Variants in LDLRAD4 observed in about 807,000 individuals in gnomAD.
The protein encoded by LDLRAD4 is low density lipoprotein receptor class A domain containing 4, also known as low-density lipoprotein receptor class A domain-containing protein 4.
A neutral mutation model predicts 17.0 loss-of-function variants in LDLRAD4; 5 were observed. The ratio of observed to expected loss-of-function variants is 0.29; its 90% CI spans 0.15 to 0.62. The LOEUF (loss-of-function observed/expected upper bound fraction) is 0.62. Ranked by LOEUF, LDLRAD4 falls within the 20% of genes least tolerant of loss-of-function variation. LDLRAD4 has a pLI of 0.84. For missense variants in LDLRAD4, 340 were observed against 424.7 expected, an observed-to-expected ratio of 0.80 and a Z score of 1.75; for synonymous variants, 168 against 171.8, an observed-to-expected ratio of 0.98 and a Z score of 0.17.
At chr18:13,578,296 C>G (rs2094803514) in intron 3 of LDLRAD4, among the ~76,000 whole-genome samples, 1 of 152,170 alleles carries the variant, frequency 6.6e-6, no homozygotes, top group South Asian at 2.1e-4. Flanking sequence ...CACCTTACTA[C>G]TTTATTTTCT....
intron 3 of LDLRAD4, among the ~76,000 whole-genome samples, chr18:13,578,311 T>C (rs1397573640): frequency 6.6e-6 from 1 of 152,182 alleles, no homozygotes; most frequent in East Asian, 1.9e-4. Flanking sequence ...TTTTCTAATT[T>C]TAACTGTTAT....
At chr18:13,226,180 C>CTTTTTGTTTTTTTTTTTTTT (rs2041782840) in intron 1 of LDLRAD4, among the ~76,000 whole-genome samples, 2 of 52,188 alleles carry the variant, frequency 3.8e-5, no homozygotes, top group South Asian at 1.2e-3. Context: ...CCATGCCTTG[C>CTTTTTGTTTTTTTTTTTTTT]TTTTTTTTTT....
At chr18:13,481,432 G>T (rs1264242493) in intron 3 of LDLRAD4, among the ~76,000 whole-genome samples, 1 of 152,186 alleles carries the variant, frequency 6.6e-6, no homozygotes, top group Non-Finnish European at 1.5e-5. Context: ...GCTGACTGTG[G>T]CTTGACGCTG....
rs914403002 is a variant in LDLRAD4, at chr18:13,367,779, C to T, written c.-382-19562C>T. 2.9e-5 allele frequency among the ~76,000 whole-genome samples: 4 copies of T among 138,064 alleles called. No individual in the cohort carries two copies. Among genetic ancestry groups the T allele is most frequent in the Admixed American group, 7.3e-5 (1 of 13,620 alleles). The allele number at this position is 138,064 out of a possible 152,430, so 90.6% of individuals were successfully genotyped here. ...CAAGGTGTTTGCTGAGAGGGGACAG[C>T]GGGGCCTGGGGGCACGTGCTTTCAG... On this transcript the variant is annotated intron_variant, in intron 1 of 5. Transcript: ENST00000359446. This position sits in a 1 kb window ranked among gnomAD's most constrained non-coding sequence, Gnocchi z 4.1.
In LDLRAD4 at chr18:13,618,561, A is replaced by C. The variant is rs1177955997; in HGVS notation, c.182-2556A>C. On this transcript the variant is annotated intron_variant, in intron 3 of 5. Transcript: ENST00000359446. Reference sequence around the variant, plus strand: ...CAGATGACCTAGAAAGGTGTCCTCCAAGGGAAGAGTTGATTCATTGCAGGA... The same window carrying C: ...CAGATGACCTAGAAAGGTGTCCTCCCAGGGAAGAGTTGATTCATTGCAGGA... 6.6e-5 allele frequency among the ~76,000 whole-genome samples: 10 copies of C among 152,236 alleles called. No individual in the cohort carries two copies. The East Asian group carries it at 1.9e-3, about 29-fold the overall frequency.
chr18:13,392,525 G>C (rs2086353500), intron 2 of LDLRAD4, among the ~76,000 whole-genome samples: 1 of 152,182 alleles, frequency 6.6e-6, no homozygotes, highest in African/African-American at 2.4e-5. Flanking sequence ...CTTCCGGGCT[G>C]GGTCCGCCGG....
At chr18:13,223,624 T>C (rs1476528284) in intron 1 of LDLRAD4, among the ~76,000 whole-genome samples, 1 of 152,202 alleles carries the variant, frequency 6.6e-6, no homozygotes, top group Non-Finnish European at 1.5e-5. Context: ...CTGGAGAGGC[T>C]GTAGGAGGCC....
At chr18:13,605,658 C>A (rs932766984) in intron 3 of LDLRAD4, among the ~76,000 whole-genome samples, 5 of 152,242 alleles carry the variant, frequency 3.3e-5, no homozygotes, top group Non-Finnish European at 7.3e-5. Flanking sequence ...CAGCAGGAAG[C>A]ACCTGCCATG....
At chr18:13,629,846 A>T (rs534441958) in intron 4 of LDLRAD4, among the ~76,000 whole-genome samples, 1 of 150,894 alleles carries the variant, frequency 6.6e-6, no homozygotes, top group African/African-American at 2.5e-5. Flanking sequence ...CCTGTTGGGG[A>T]GGCTCACCAG....
chr18:13,456,968 C>T (rs999169157), intron 3 of LDLRAD4, among the ~76,000 whole-genome samples: 3 of 152,246 alleles, frequency 2.0e-5, no homozygotes, highest in East Asian at 1.9e-4. Flanking sequence ...GGAAAACCCT[C>T]ACCCTGTGTT....
intron 1 of LDLRAD4, among the ~76,000 whole-genome samples, chr18:13,233,379 C>T (rs1280374394): frequency 1.3e-5 from 2 of 152,188 alleles, no homozygotes; most frequent in African/African-American, 4.8e-5. Context: ...GGGCCCACTG[C>T]TCAGAGCCCA....
intron 1 of LDLRAD4, among the ~76,000 whole-genome samples, chr18:13,326,120 G>A (rs1257910874): frequency 2.0e-5 from 3 of 152,102 alleles, no homozygotes; most frequent in South Asian, 4.1e-4. Flanking sequence ...ATGAGTGACT[G>A]AGGCAGAGGT....
chr18:13,540,744 G>GT (rs1474024605), intron 3 of LDLRAD4, among the ~76,000 whole-genome samples: 6 of 152,252 alleles, frequency 3.9e-5, no homozygotes, highest in African/African-American at 1.4e-4. Flanking sequence ...ACGCATGTTA[G>GT]TTACAGCGTG....
chr18:13,308,677 A>G (rs1383218776), intron 1 of LDLRAD4, among the ~76,000 whole-genome samples: 1 of 152,216 alleles, frequency 6.6e-6, no homozygotes, highest in Admixed American at 6.5e-5. Flanking sequence ...CGCGTGTTTC[A>G]CATCAGAGCC....
intron 3 of LDLRAD4, among the ~76,000 whole-genome samples, chr18:13,575,864 A>G (rs1427281340): frequency 6.6e-6 from 1 of 152,168 alleles, no homozygotes; most frequent in Non-Finnish European, 1.5e-5. Flanking sequence ...GGCCATTTGT[A>G]TATCTTCTTC....
intron 1 of LDLRAD4, among the ~76,000 whole-genome samples, chr18:13,272,391 GC>G (rs750502402): frequency 6.6e-5 from 10 of 152,240 alleles, no homozygotes; most frequent in Non-Finnish European, 1.2e-4. Context: ...TTGCCGGGTG[GC>G]CATCGCCATT....
chr18:13,306,721 T>G (rs761568418), intron 1 of LDLRAD4, among the ~76,000 whole-genome samples: 2 of 152,238 alleles, frequency 1.3e-5, no homozygotes, highest in African/African-American at 2.4e-5. Flanking sequence ...AAATTCCTGC[T>G]GCAGAAAACT....
chr18:13,309,031 A>G (rs557219337), intron 1 of LDLRAD4, among the ~76,000 whole-genome samples: 1 of 152,304 alleles, frequency 6.6e-6, no homozygotes, highest in South Asian at 2.1e-4. Flanking sequence ...AAATAGTAAG[A>G]TATTCTTACT....
At chr18:13,365,951 C>T (rs539431615) in intron 1 of LDLRAD4, among the ~76,000 whole-genome samples, 130 of 152,224 alleles carry the variant, frequency 8.5e-4, no homozygotes, top group African/African-American at 2.8e-3. Context: ...TTTTTTGTAT[C>T]TTTAGTAGAG....
Sources: allele counts gnomAD v4.1 joint callset (sites outside exome capture counted in the v4.1 genomes callset), GRCh38; gene constraint gnomAD v4.1.1; non-coding constraint Gnocchi (gnomAD v3.1); transcripts MANE v1.5; gene names NCBI Gene and HGNC (gene_info 2026-07-23, HGNC 2026-07-21).